ANO4: variants seen among roughly 807,000 people sequenced by gnomAD.
ANO4 encodes the protein anoctamin 4.
In ANO4, 69 loss-of-function variants were observed where a neutral mutation model predicts 141.9. That is an observed-to-expected ratio of 0.49 (90% CI 0.40 to 0.59). The LOEUF (loss-of-function observed/expected upper bound fraction) is 0.59. Ranked by LOEUF, ANO4 falls within the 20% of genes least tolerant of loss-of-function variation. ANO4 has a pLI of 0.00. For missense variants in ANO4, 894 were observed against 1,162.2 expected (o/e 0.77, Z 3.36); for synonymous variants, 350 against 394.3 (o/e 0.89, Z 1.33).
intron 13 of ANO4, among the ~76,000 whole-genome samples, chr12:101,045,934 G>C (rs914058734): frequency 2.0e-5 from 3 of 152,168 alleles, no homozygotes; most frequent in Non-Finnish European, 2.9e-5. Flanking sequence ...TGTGTCTATG[G>C]GAATCTTCTT....
chr12:100,979,740 T>A (rs2044365110), intron 7 of ANO4, among the ~76,000 whole-genome samples: 1 of 152,066 alleles, frequency 6.6e-6, no homozygotes, highest in Non-Finnish European at 1.5e-5. Flanking sequence ...ATTTATTTTT[T>A]TTTTTGAGAT....
In ANO4 at chr12:100,965,829, T is replaced by A. The variant is rs117939367; in HGVS notation, c.457-5477T>A. On this transcript the variant is annotated intron_variant, in intron 5 of 27. Coordinates refer to ENST00000392977, the MANE Select transcript of ANO4 (RefSeq NM_001286615.2). ...CTCCAGTTCTTTTCTGCCACAGAACTATATTCTTTTCCTTTTTAAATACTT... is the reference window on the plus strand; with the variant it reads ...CTCCAGTTCTTTTCTGCCACAGAACAATATTCTTTTCCTTTTTAAATACTT... 7.5e-4 allele frequency among the ~76,000 whole-genome samples: 114 copies of A among 152,170 alleles called. 2 individuals are homozygous for A. The East Asian group carries it at 0.016, about 22-fold the overall frequency.
At position 100,953,292 on chromosome 12, in the gene ANO4, G is replaced by A. The variant is rs571590390; in HGVS notation, c.456+10757G>A. On this transcript the variant is annotated intron_variant, in intron 5 of 27. Coordinates refer to ENST00000392977, the MANE Select transcript of ANO4 (RefSeq NM_001286615.2). ...TAATTATTCATTAATGGCATGGAGA[G>A]ATTTAAAAGCTTTGAAGCAGCCTGG... Among the ~76,000 whole-genome samples the A allele has an allele frequency of 1.3e-4, 20 of 152,326 alleles. No individual in the cohort carries two copies. In the South Asian group the frequency reaches 4.1e-3, roughly 32 times the overall value.
chr12:100,824,129 A>C (rs1007668269), intron 1 of ANO4, among the ~76,000 whole-genome samples: 1 of 151,970 alleles, frequency 6.6e-6, no homozygotes, highest in Non-Finnish European at 1.5e-5. Flanking sequence ...GTTTTGTGCA[A>C]CTTGGAGTTT....
At chr12:101,029,709 A>G (rs780958620) in intron 9 of ANO4, among the ~76,000 whole-genome samples, 1 of 152,046 alleles carries the variant, frequency 6.6e-6, no homozygotes, top group Non-Finnish European at 1.5e-5. Flanking sequence ...CAGGAAATCA[A>G]GACCATCCTG....
At chr12:100,934,351 G>A (rs2042201499) in intron 3 of ANO4, among the ~76,000 whole-genome samples, 2 of 152,186 alleles carry the variant, frequency 1.3e-5, no homozygotes, top group African/African-American at 2.4e-5. Flanking sequence ...TTATTAAATA[G>A]GGAATCCTTT....
At chr12:101,055,330 C>T (rs1457606829) in intron 14 of ANO4, among the ~76,000 whole-genome samples, 1 of 152,204 alleles carries the variant, frequency 6.6e-6, no homozygotes, top group Non-Finnish European at 1.5e-5. Flanking sequence ...CACATTCTCA[C>T]AAGCACTTGG....
chr12:101,058,019 G>A (rs377607212), intron 14 of ANO4, among the ~76,000 whole-genome samples: 34 of 151,962 alleles, frequency 2.2e-4, no homozygotes, highest in Admixed American at 1.4e-3. Context: ...TTTTTTAACC[G>A]ATCTTGAATT....
chr12:101,066,413 G>T (rs2048589616), intron 14 of ANO4, among the ~76,000 whole-genome samples: 1 of 152,284 alleles, frequency 6.6e-6, no homozygotes, highest in Non-Finnish European at 1.5e-5. Context: ...CAGTGAAGTT[G>T]CAGGATACAA....
intron 1 of ANO4, among the ~76,000 whole-genome samples, chr12:100,898,908 T>C (rs937601049): frequency 6.6e-6 from 1 of 152,224 alleles, no homozygotes; most frequent in African/African-American, 2.4e-5. Flanking sequence ...CTGTTTGCAT[T>C]CTTCTGGAGT....
chr12:100,779,660 A>G (rs987313421), intron 3 of ANO4, among the ~76,000 whole-genome samples: 1 of 152,024 alleles, frequency 6.6e-6, no homozygotes, highest in Admixed American at 6.5e-5. Flanking sequence ...TACCCCTCAT[A>G]TGTAGGTTGG....
At chr12:100,835,115 G>A (rs1193993228) in intron 1 of ANO4, among the ~76,000 whole-genome samples, 1 of 152,138 alleles carries the variant, frequency 6.6e-6, no homozygotes, top group Non-Finnish European at 1.5e-5. Flanking sequence ...TCAGTACATT[G>A]CAGCAAGCAC....
At chr12:100,907,032 T>C (rs1016295969) in intron 2 of ANO4, among the ~76,000 whole-genome samples, 3 of 152,154 alleles carry the variant, frequency 2.0e-5, no homozygotes, top group African/African-American at 7.2e-5. Flanking sequence ...TGGACAATTG[T>C]CTTCAGTGGT....
At chr12:100,784,960 TTCTC>T (rs200545759) in intron 3 of ANO4, among the ~76,000 whole-genome samples, 1 of 151,902 alleles carries the variant, frequency 6.6e-6, no homozygotes, top group East Asian at 1.9e-4. Context: ...TCTTCTTCTA[TTCTC>T]TCTCTCTCTT....
At chr12:101,025,647 T>C (rs890376971) in intron 9 of ANO4, among the ~76,000 whole-genome samples, 1 of 152,208 alleles carries the variant, frequency 6.6e-6, no homozygotes, top group African/African-American at 2.4e-5. Flanking sequence ...GTGAGGAGAA[T>C]ACTCAGAAAA....
At chr12:100,806,234 C>T (rs11110527) in intron 1 of ANO4, among the ~76,000 whole-genome samples, 1 of 152,042 alleles carries the variant, frequency 6.6e-6, no homozygotes, top group African/African-American at 2.4e-5. Flanking sequence ...TTTAAAAATT[C>T]TGATGGCTCT....
At chr12:100,784,457 A>T (rs1211612691) in intron 3 of ANO4, among the ~76,000 whole-genome samples, 4 of 152,166 alleles carry the variant, frequency 2.6e-5, no homozygotes, top group Non-Finnish European at 5.9e-5. Flanking sequence ...AAGCAACTGC[A>T]GTTCTCTTCT....
At chr12:100,939,286 A>G in intron 3 of ANO4, 29 bp from the exon 4 acceptor site, 1 of 1,585,120 alleles carries the variant, frequency 6.3e-7, no homozygotes, top group Non-Finnish European at 8.6e-7. Context: ...ATTTTTACCC[A>G]CCTTATAATG....
chr12:100,777,154 G>A (rs1441701887), intron 3 of ANO4, among the ~76,000 whole-genome samples: 2 of 149,088 alleles, frequency 1.3e-5, no homozygotes, highest in African/African-American at 2.5e-5. Flanking sequence ...GTGCAGTGGC[G>A]TGATCTCGAC....
Sources: allele counts gnomAD v4.1 joint callset (sites outside exome capture counted in the v4.1 genomes callset), GRCh38; gene constraint gnomAD v4.1.1; transcripts MANE v1.5; gene names NCBI Gene and HGNC (gene_info 2026-07-23, HGNC 2026-07-21).